Variants in TENM2 observed in about 807,000 individuals in gnomAD.
The protein encoded by TENM2 is teneurin-2.
In TENM2, 52 loss-of-function variants were observed where a neutral mutation model predicts 245.2. That is an observed-to-expected ratio of 0.21 (90% CI 0.17 to 0.27). The LOEUF (loss-of-function observed/expected upper bound fraction) is 0.27. TENM2 is among the 10% of genes least tolerant of loss of function. The pLI is 1.00. For missense variants in TENM2, 3,046 were observed against 3,666.8 expected (o/e 0.83, Z 4.37); for synonymous variants, 1,363 against 1,438.9 (o/e 0.95, Z 1.19).
intron 3 of TENM2, among the ~76,000 whole-genome samples, chr5:167,884,053 A>G (rs1220259246): frequency 1.3e-5 from 2 of 152,200 alleles, no homozygotes; most frequent in African/African-American, 4.8e-5. Context: ...ATCTTGAGCA[A>G]CTTACTTAAT....
chr5:168,116,098 T>G (rs966710383), intron 9 of TENM2, among the ~76,000 whole-genome samples: 1 of 152,176 alleles, frequency 6.6e-6, no homozygotes, highest in East Asian at 1.9e-4. Flanking sequence ...TAATTCTTAA[T>G]TGGGCACCCT....
chr5:167,487,226 G>T (rs1768129593), intron 2 of TENM2, among the ~76,000 whole-genome samples: 1 of 152,088 alleles, frequency 6.6e-6, no homozygotes, highest in African/African-American at 2.4e-5. Context: ...GACAATTTTG[G>T]TTATCCAGGA....
intron 1 of TENM2, among the ~76,000 whole-genome samples, chr5:167,349,644 G>A (rs577270782): frequency 8.2e-4 from 125 of 152,114 alleles, no homozygotes; most frequent in African/African-American, 2.9e-3. Context: ...ATCTGTATAT[G>A]TATATGTACA....
intron 2 of TENM2, among the ~76,000 whole-genome samples, chr5:167,586,681 A>G (rs1329789079): frequency 5.9e-5 from 9 of 152,148 alleles, no homozygotes. Context: ...TAATTTAAAA[A>G]ATGGAACGTA....
At chr5:167,711,945 A>C (rs1245768156) in intron 2 of TENM2, among the ~76,000 whole-genome samples, 1 of 152,212 alleles carries the variant, frequency 6.6e-6, no homozygotes, top group Non-Finnish European at 1.5e-5. Context: ...ATTATTTTTA[A>C]TACATTGCTT....
At chr5:167,966,417 T>C (rs997073043) in intron 4 of TENM2, among the ~76,000 whole-genome samples, 1 of 152,192 alleles carries the variant, frequency 6.6e-6, no homozygotes, top group African/African-American at 2.4e-5. Context: ...GCAGGAAGCA[T>C]GACAAGTGCT....
At chr5:167,913,015 C>A (rs533561680) in intron 3 of TENM2, among the ~76,000 whole-genome samples, 1 of 152,238 alleles carries the variant, frequency 6.6e-6, no homozygotes, top group East Asian at 1.9e-4. Context: ...ACAGGGCTAT[C>A]TCTTAAAAGG....
intron 2 of TENM2, among the ~76,000 whole-genome samples, chr5:167,471,530 C>A (rs767711575): frequency 6.6e-6 from 1 of 151,644 alleles, no homozygotes; most frequent in Non-Finnish European, 1.5e-5. Context: ...TGGCAATCTT[C>A]AATAAAAAAA....
chr5:167,832,118 G>A (rs985211159), intron 2 of TENM2, among the ~76,000 whole-genome samples: 4 of 152,070 alleles, frequency 2.6e-5, no homozygotes, highest in Non-Finnish European at 4.4e-5. Flanking sequence ...TGTTTGTCAG[G>A]GCAGTAATAA....
intron 13 of TENM2, among the ~76,000 whole-genome samples, chr5:168,181,445 T>C (rs1291528109): frequency 6.6e-6 from 1 of 152,024 alleles, no homozygotes; most frequent in Non-Finnish European, 1.5e-5. Context: ...TCCTAAAGAG[T>C]AGAAAAGCCA....
intron 2 of TENM2, among the ~76,000 whole-genome samples, chr5:167,677,040 C>T (rs371754710): frequency 1.1e-4 from 17 of 152,208 alleles, no homozygotes; most frequent in African/African-American, 3.6e-4. Context: ...TTTCCCTCTG[C>T]GCTCCATGCA....
intron 3 of TENM2, among the ~76,000 whole-genome samples, chr5:167,892,699 C>T (rs183497523): frequency 2.0e-5 from 3 of 152,254 alleles, no homozygotes; most frequent in South Asian, 2.1e-4. Flanking sequence ...CATTTTGCCT[C>T]GATTATAGTT....
At chr5:167,712,276 TAACA>T (rs1221098065) in intron 2 of TENM2, among the ~76,000 whole-genome samples, 5 of 152,358 alleles carry the variant, frequency 3.3e-5, no homozygotes, top group Admixed American at 2.0e-4. Context: ...TATATTCCAT[TAACA>T]AGTTTTAAGA....
chr5:167,366,615 G>C (rs1760070526), intron 1 of TENM2, among the ~76,000 whole-genome samples: 1 of 152,124 alleles, frequency 6.6e-6, no homozygotes, highest in African/African-American at 2.4e-5. Context: ...TCTAACTCCT[G>C]ATTTTCTTAA....
the TENM2 span, among the ~76,000 whole-genome samples, chr5:167,112,172 C>T: frequency 6.6e-6 from 1 of 152,094 alleles, no homozygotes; most frequent in African/African-American, 2.4e-5. Flanking sequence ...TGTTCCTAAA[C>T]GTGAGAGATG....
At chr5:167,274,879 G>A in the TENM2 span, among the ~76,000 whole-genome samples, 1 of 151,666 alleles carries the variant, frequency 6.6e-6, no homozygotes, top group South Asian at 2.1e-4. Context: ...TGAGTTTTGA[G>A]AAATATTTAT....
At chr5:167,315,285 T>C (rs934170129) in intron 1 of TENM2, among the ~76,000 whole-genome samples, 31 of 152,172 alleles carry the variant, frequency 2.0e-4, no homozygotes, top group Admixed American at 3.3e-4. Flanking sequence ...TATTTTATAA[T>C]TTTTGCAAAA....
At chr5:167,327,030 A>T (rs1354559311) in intron 1 of TENM2, among the ~76,000 whole-genome samples, 1 of 152,190 alleles carries the variant, frequency 6.6e-6, no homozygotes, top group African/African-American at 2.4e-5. Flanking sequence ...TTTTTAAAAA[A>T]TTTTATTATT....
the TENM2 span, among the ~76,000 whole-genome samples, chr5:167,061,245 C>A: frequency 2.0e-5 from 3 of 152,054 alleles, no homozygotes; most frequent in Non-Finnish European, 4.4e-5. Context: ...TCCTATTATA[C>A]GCATTTATTT....
Sources: gnomAD v4.1 joint callset for allele counts (sites outside exome capture counted in the v4.1 genomes callset) on GRCh38, gnomAD v4.1.1 for gene constraint, MANE v1.5 for transcripts, NCBI Gene and HGNC (gene_info 2026-07-23, HGNC 2026-07-21) for gene names.